HS6ST2: variants seen among roughly 807,000 people sequenced by gnomAD.
HS6ST2 encodes heparan-sulfate 6-O-sulfotransferase 2.
HS6ST2 carries 17 observed loss-of-function variants against 33.0 expected under a neutral mutation model. The observed-to-expected ratio is 0.52, with a 90% CI of 0.35 to 0.77. The LOEUF (loss-of-function observed/expected upper bound fraction) is 0.77, where lower values mean the gene tolerates loss of function less well. Ranked by LOEUF, HS6ST2 falls within the 30% of genes least tolerant of loss-of-function variation. The pLI is 0.01. For synonymous variants in HS6ST2, 248 were observed against 237.1 expected, an observed-to-expected ratio of 1.05 and a Z score of -0.42; for missense variants, 519 against 551.7, an observed-to-expected ratio of 0.94 and a Z score of 0.59.
chrX:132,933,768 C>G (rs1223525974), intron 2 of HS6ST2, among the ~76,000 whole-genome samples: 1 of 111,992 alleles, frequency 8.9e-6, no homozygotes, highest in Non-Finnish European at 1.9e-5. Flanking sequence ...TGACAGCTAA[C>G]TTCTCATCAG....
At chrX:132,834,341 ATC>A (rs1569495548) in intron 2 of HS6ST2, among the ~76,000 whole-genome samples, 1 of 112,266 alleles carries the variant, frequency 8.9e-6, no homozygotes. Flanking sequence ...AGGTTAAATG[ATC>A]TGTTTGACCT....
Position 132,735,492 on chromosome X carries a change from A to C in HS6ST2, c.948-26998T>G, listed in dbSNP as rs183219242. ...CCAGGTGGGAAAACCGACCCGTGAC[A>C]AAAAATTCAGGCAGTTAATCATGCC... On this transcript the variant is annotated intron_variant, in intron 2 of 4. Transcript: ENST00000370833. The C allele has an allele frequency of 1.1e-4, 12 of 112,487 alleles. No individual in the cohort carries two copies. In the Admixed American group the frequency reaches 1.1e-3, roughly 11 times the overall value. 9.3% of individuals were successfully genotyped at this position (112,487 alleles called of 1,213,427 possible). A position where few individuals can be genotyped will look rare whatever the true frequency, so the allele number is the denominator to read the frequency against.
intron 2 of HS6ST2, among the ~76,000 whole-genome samples, chrX:132,879,146 C>A: frequency 9.0e-6 from 1 of 111,469 alleles, no homozygotes; most frequent in Non-Finnish European, 1.9e-5. Flanking sequence ...GTTCCAAGGG[C>A]CTTCTACCGC....
chrX:132,709,604 T>C (rs914036993), intron 2 of HS6ST2, among the ~76,000 whole-genome samples: 3 of 110,659 alleles, frequency 2.7e-5, no homozygotes, highest in African/African-American at 9.9e-5. Context: ...TAACATCAAA[T>C]CTGTTAGACA....
chrX:132,660,161 G>T (rs760532565), intron 4 of HS6ST2, among the ~76,000 whole-genome samples: 1 of 111,647 alleles, frequency 9.0e-6, no homozygotes, highest in African/African-American at 3.3e-5. Flanking sequence ...TGGGCATAAG[G>T]ACAGGGAATT....
In HS6ST2 at chrX:132,894,140, G is replaced by T. The variant is rs758605358; in HGVS notation, c.947+62668C>A. 7.7e-4 allele frequency among the ~76,000 whole-genome samples: 79 copies of T among 102,057 alleles called. 1 individual carries two copies. The highest frequency in any genetic ancestry group is 2.6e-3 in the African/African-American group (70 of 27,412). 88.6% of individuals were successfully genotyped at this position (102,057 alleles called of 115,157 possible). On this transcript the variant is annotated intron_variant, in intron 2 of 4. Transcript: ENST00000370833. The stretch of plus-strand genomic sequence containing the variant: ...GGTTTCAGGTTTTTTTTTTTTTTGT[G>T]GGGGGGGAGGTGGGGAGAGAGACGA...
intron 2 of HS6ST2, chrX:132,758,401 C>T (rs1489298015): frequency 1.8e-5 from 2 of 112,011 alleles, no homozygotes; most frequent in Admixed American, 1.9e-4. Context: ...TACAGACACT[C>T]TTCATATATT....
chrX:132,707,481 T>C (rs2064196638), intron 3 of HS6ST2, among the ~76,000 whole-genome samples: 1 of 112,491 alleles, frequency 8.9e-6, no homozygotes, highest in African/African-American at 3.2e-5. Context: ...TACAGAAAGC[T>C]AAACTGGGCA....
intron 2 of HS6ST2, among the ~76,000 whole-genome samples, chrX:132,819,554 T>C (rs947670692): frequency 3.6e-5 from 4 of 111,252 alleles, no homozygotes; most frequent in African/African-American, 1.3e-4. Context: ...GAACTAAGAG[T>C]ATGACCCATG....
At chrX:132,811,115 C>A (rs1476684412) in intron 2 of HS6ST2, among the ~76,000 whole-genome samples, 3 of 111,909 alleles carry the variant, frequency 2.7e-5, no homozygotes, top group African/African-American at 9.7e-5. Flanking sequence ...CAAGTTTGAT[C>A]ATGTCACTAT....
intron 2 of HS6ST2, among the ~76,000 whole-genome samples, chrX:132,827,909 G>A (rs991314268): frequency 9.0e-6 from 1 of 111,495 alleles, no homozygotes; most frequent in Non-Finnish European, 1.9e-5. Context: ...TAGCTTTCAC[G>A]GAAAATTGGG....
chrX:132,842,016 A>G (rs2065711708), intron 2 of HS6ST2, among the ~76,000 whole-genome samples: 1 of 112,105 alleles, frequency 8.9e-6, no homozygotes, highest in African/African-American at 3.2e-5. Context: ...CATGATATCA[A>G]ACGCAAATGA....
At chrX:132,794,166 C>T (rs930832283) in intron 2 of HS6ST2, among the ~76,000 whole-genome samples, 2 of 112,119 alleles carry the variant, frequency 1.8e-5, no homozygotes, top group Non-Finnish European at 3.8e-5. Flanking sequence ...AAATCTCAAA[C>T]TAGCTCTCAT....
At chrX:132,936,153 A>C (rs2066820696) in intron 2 of HS6ST2, among the ~76,000 whole-genome samples, 1 of 111,165 alleles carries the variant, frequency 9.0e-6, no homozygotes, top group Admixed American at 9.6e-5. Context: ...AGGGGACATT[A>C]ATACTATCCT....
At chrX:132,892,272 C>T (rs1031528604) in intron 2 of HS6ST2, among the ~76,000 whole-genome samples, 63 of 111,804 alleles carry the variant, frequency 5.6e-4, no homozygotes, top group African/African-American at 2.0e-3. Context: ...TCTTGACTCC[C>T]CTTGTATTTC....
chrX:132,847,615 A>C (rs1448534873), intron 2 of HS6ST2, among the ~76,000 whole-genome samples: 3 of 111,842 alleles, frequency 2.7e-5, no homozygotes, highest in Non-Finnish European at 3.8e-5. Flanking sequence ...CATCAACACT[A>C]GTGAGACCAC....
At chrX:132,942,027 T>C (rs1038497963) in intron 2 of HS6ST2, among the ~76,000 whole-genome samples, 1 of 112,079 alleles carries the variant, frequency 8.9e-6, no homozygotes, top group Non-Finnish European at 1.9e-5. Context: ...AAGTTTTTTA[T>C]TGAAGTAATT....
intron 2 of HS6ST2, among the ~76,000 whole-genome samples, chrX:132,746,119 T>C (rs755254415): frequency 9.0e-6 from 1 of 111,318 alleles, no homozygotes; most frequent in Non-Finnish European, 1.9e-5. Context: ...CTTTTAGGAA[T>C]GGGAATATCT....
At chrX:132,742,762 C>T (rs2064592664) in intron 2 of HS6ST2, among the ~76,000 whole-genome samples, 1 of 112,483 alleles carries the variant, frequency 8.9e-6, no homozygotes, top group Non-Finnish European at 1.9e-5. Context: ...CGTGTCACTA[C>T]GTAATTTCCC....
Sources: allele counts gnomAD v4.1 joint callset (sites outside exome capture counted in the v4.1 genomes callset), GRCh38; gene constraint gnomAD v4.1.1; transcripts MANE v1.5; gene names NCBI Gene and HGNC (gene_info 2026-07-23, HGNC 2026-07-21).